Variants in TRIM55 observed in about 807,000 individuals in gnomAD.
TRIM55 encodes the protein tripartite motif containing 55.
In TRIM55, 50 loss-of-function variants were observed where a neutral mutation model predicts 60.9. The observed-to-expected ratio is 0.82, with a 90% CI of 0.65 to 1.04. The LOEUF is 1.04. Ranked by LOEUF, TRIM55 falls within the 50% of genes least tolerant of loss-of-function variation. The probability of loss-of-function intolerance (pLI) is 0.00; values close to 1 mark genes in which losing one functional copy is unlikely to be tolerated. For missense variants in TRIM55, 681 were observed against 666.9 expected (o/e 1.02, Z -0.23); for synonymous variants, 237 against 238.1 (o/e 1.00, Z 0.04).
In TRIM55 at chr8:66,137,107, G is replaced by A. The variant is rs1809522026; in HGVS notation, c.520G>A (p.Asp174Asn). 2 of 1,614,070 alleles carry A rather than the reference G, an allele frequency of 1.2e-6. No homozygotes were observed. Among genetic ancestry groups the A allele is most frequent in the Non-Finnish European group, 1.7e-6 (2 of 1,179,964 alleles). ...TTCTCTTCATTAGTCTGAGCTCAGT[G>A]ATGGCATCGCCATCCTCGTGGGCAG... ...VFQRQKSELSDGIAILVGSND... is the reference protein window; with the variant it reads ...VFQRQKSELSNGIAILVGSND... Residue 174 changes from aspartate (D) to asparagine (N), a missense_variant, in exon 4 of 10, where the codon GAT becomes AAT. By Grantham distance (23) the Asp-to-Asn change is conservative. Transcript: ENST00000315962.
the TRIM55 span, chr8:66,113,405 T>G: frequency 2.4e-6 from 1 of 415,614 alleles, no homozygotes; most frequent in African/African-American, 2.0e-5. Context: ...GGACTGTAGC[T>G]ACTTCCTCAG....
intron 4 of TRIM55, among the ~76,000 whole-genome samples, chr8:66,142,845 G>C (rs1010988159): frequency 2.0e-5 from 3 of 152,142 alleles, no homozygotes; most frequent in Non-Finnish European, 4.4e-5. Context: ...CCCTTTCTAG[G>C]GACACCCTAG....
At chr8:66,128,240 A>G (rs1808935468) in intron 1 of TRIM55, 64 bp from the exon 2 acceptor site, 7 of 1,435,450 alleles carry the variant, frequency 4.9e-6, no homozygotes, top group Middle Eastern at 2.5e-4. Context: ...GAGAGTGAAA[A>G]TAAGTCTCAG....
intron 9 of TRIM55, among the ~76,000 whole-genome samples, chr8:66,158,375 T>A (rs2128983342): frequency 6.6e-6 from 1 of 152,318 alleles, no homozygotes; most frequent in South Asian, 2.1e-4. Context: ...AAAATATCCA[T>A]TTTTTACATT....
chr8:66,152,288 C>T (rs1166686307), intron 7 of TRIM55, 89 bp from the exon 8 acceptor site: 1 of 1,474,536 alleles, frequency 6.8e-7, no homozygotes, highest in Non-Finnish European at 8.9e-7. Flanking sequence ...CAGCCTTGAC[C>T]TTAACTAGGG....
intron 4 of TRIM55, among the ~76,000 whole-genome samples, chr8:66,144,287 A>G (rs1431807724): frequency 1.3e-5 from 2 of 152,204 alleles, no homozygotes; most frequent in Non-Finnish European, 1.5e-5. Context: ...CCATTTCAAT[A>G]TGGGAGGGAT....
intron 2 of TRIM55, among the ~76,000 whole-genome samples, chr8:66,131,390 T>G (rs2128973440): frequency 6.6e-6 from 1 of 152,342 alleles, no homozygotes. Flanking sequence ...TTTTCTGCTA[T>G]TTATCACCAA....
intron 9 of TRIM55, among the ~76,000 whole-genome samples, chr8:66,172,681 T>C (rs1311426812): frequency 1.3e-5 from 2 of 152,224 alleles, no homozygotes; most frequent in African/African-American, 2.4e-5. Flanking sequence ...ACCAGCAGTT[T>C]CCCAAAGGTT....
At position 66,149,700 on chromosome 8, in the gene TRIM55, G is replaced by A; in HGVS notation, c.659G>A (p.Gly220Asp). 6.2e-7 allele frequency: 1 copy of A among 1,614,162 alleles called. No homozygotes were observed. Among genetic ancestry groups the A allele is most frequent in the South Asian group, 1.1e-5 (1 of 91,086 alleles). Residue 220 changes from glycine (G) to aspartate (D), a missense_variant, in exon 5 of 10, where the codon GGC becomes GAC. Coordinates refer to ENST00000315962, the MANE Select transcript of TRIM55 (RefSeq NM_184085.2). Reference protein sequence around the residue: ...ELCEKFDYLYGILEERKNEMT... With the variant: ...ELCEKFDYLYDILEERKNEMT... ...TGTGAGAAGTTTGATTACCTGTATGGCATTTTGGAGGAGAGGAAGAATGAA... is the reference window on the plus strand; with the variant it reads ...TGTGAGAAGTTTGATTACCTGTATGACATTTTGGAGGAGAGGAAGAATGAA...
chr8:66,118,217 A>G, the TRIM55 span, among the ~76,000 whole-genome samples: 1 of 144,570 alleles, frequency 6.9e-6, no homozygotes, highest in Non-Finnish European at 1.5e-5. Flanking sequence ...AGGAAAGTAA[A>G]ATATGTTTAT....
intron 9 of TRIM55, among the ~76,000 whole-genome samples, chr8:66,171,259 G>A (rs1436460959): frequency 6.1e-5 from 6 of 97,948 alleles, no homozygotes; most frequent in African/African-American, 1.2e-4. Flanking sequence ...TCCACCCTCC[G>A]AAAGGCCCCA....
At chr8:66,168,052 A>G (rs562780715) in intron 9 of TRIM55, among the ~76,000 whole-genome samples, 1 of 152,306 alleles carries the variant, frequency 6.6e-6, no homozygotes, top group South Asian at 2.1e-4. Context: ...GCCTGGCCAA[A>G]AAATGCATTT....
At position 66,134,989 on chromosome 8, in the gene TRIM55, G is replaced by A. The variant is rs141724668; in HGVS notation, c.342-1G>A. 3.1e-4 allele frequency: 506 copies of A among 1,613,810 alleles called. 2 individuals are homozygous for A. The highest frequency in any genetic ancestry group is 3.3e-4 in the Middle Eastern group (2 of 6,078). On this transcript the variant is annotated splice_acceptor_variant, in intron 2 of 9. Coordinates refer to ENST00000315962, the MANE Select transcript of TRIM55 (RefSeq NM_184085.2). LOFTEE classifies it high-confidence loss of function. ...ACATTTATCTGCCTACCTCCTCCCA[G>A]GCCAGAAAAGAAATCCGACCAGCCC...
chr8:66,141,571 G>C (rs982631362), intron 4 of TRIM55, among the ~76,000 whole-genome samples: 3 of 152,188 alleles, frequency 2.0e-5, no homozygotes, highest in African/African-American at 7.2e-5. Flanking sequence ...CATCCCTAGA[G>C]AACATAATCT....
chr8:66,124,112 A>G (rs1301567641), upstream of TRIM55, among the ~76,000 whole-genome samples: 1 of 152,114 alleles, frequency 6.6e-6, no homozygotes, highest in African/African-American at 2.4e-5. Context: ...TTCTACTTTC[A>G]TAGCAGCCCC....
Position 66,152,437 on chromosome 8 carries a change from TGGGAGGAGAAGC to T in TRIM55, c.1047_1058del (p.Gly350_Ala353del). 6.2e-7 allele frequency: 1 copy of T among 1,610,722 alleles called. No individual in the cohort carries two copies. The highest frequency in any genetic ancestry group is 1.7e-5 in the Admixed American group (1 of 59,880). ...GGAGAAAAAGAAGGAGAAGGAGAAG[TGGGAGGAGAAGC>T]AGTAGAAGTGGAAGAGGTAGAAAAT... is the stretch of plus-strand genomic sequence containing the variant. On this transcript the variant is annotated inframe_deletion, in exon 8 of 10. Coordinates refer to ENST00000315962, the MANE Select transcript of TRIM55 (RefSeq NM_184085.2).
Position 66,127,412 on chromosome 8 carries a change from G to T in TRIM55, c.144G>T (p.Arg48Ser). 6.2e-7 allele frequency: 1 copy of T among 1,611,852 alleles called. No individual in the cohort carries two copies. Among genetic ancestry groups the T allele is most frequent in the Non-Finnish European group, 8.5e-7 (1 of 1,178,660 alleles). ...VILPCQHNLC[R>S]KCASDIFQAS... ...TCCCTTGTCAGCACAACCTGTGTAG[G>T]AAATGTGCCAGTGATATTTTCCAGG... The change falls in exon 1 of 10, where the codon AGG becomes AGT. Residue 48 changes from arginine (R) to serine (S), a missense_variant. Arg to Ser is a moderately radical substitution (Grantham distance 110, BLOSUM62 -1). Transcript: ENST00000315962.
At position 66,152,605 on chromosome 8, in the gene TRIM55, C is replaced by T. The variant is rs746838684; in HGVS notation, c.1214C>T (p.Ala405Val). 5.6e-6 allele frequency: 9 copies of T among 1,613,964 alleles called. No individual in the cohort carries two copies. Among genetic ancestry groups the T allele is most frequent in the Non-Finnish European group, 6.8e-6 (8 of 1,179,998 alleles). ...SPEPPPALPP[A>V]ADAPVTQGEV... is the part of the protein sequence containing the mutation. ...GAGCCACCTCCAGCCCTGCCACCTG[C>T]TGCGGATGCCCCTGTGACACAGGTA... Residue 405 changes from alanine (A) to valine (V), a missense_variant, in exon 8 of 10, where the codon GCT becomes GTT. Coordinates refer to ENST00000315962, the MANE Select transcript of TRIM55 (RefSeq NM_184085.2).
the TRIM55 span, among the ~76,000 whole-genome samples, chr8:66,120,096 T>G: frequency 3.3e-5 from 5 of 152,108 alleles, no homozygotes; most frequent in African/African-American, 1.2e-4. Flanking sequence ...CTTAACTTGC[T>G]CAGCCACAGT....
Sources: allele counts gnomAD v4.1 joint callset (sites outside exome capture counted in the v4.1 genomes callset), GRCh38; gene constraint gnomAD v4.1.1; transcripts MANE v1.5; gene names NCBI Gene and HGNC (gene_info 2026-07-23, HGNC 2026-07-21).